The following SEPTIN6 variants were observed in gnomAD, a reference collection of about 807,000 sequenced individuals.
The protein encoded by SEPTIN6 is septin-6.
In SEPTIN6, 8 loss-of-function variants were observed where a neutral mutation model predicts 33.6. The ratio of observed to expected loss-of-function variants is 0.24; its 90% CI spans 0.14 to 0.43. The LOEUF is 0.43. Ranked by LOEUF, SEPTIN6 falls within the 20% of genes least tolerant of loss-of-function variation. The probability of loss-of-function intolerance (pLI) is 1.00; values close to 1 mark genes in which losing one functional copy is unlikely to be tolerated. For missense variants in SEPTIN6, 250 were observed against 340.8 expected, an observed-to-expected ratio of 0.73 and a Z score of 2.10; for synonymous variants, 131 against 140.0, an observed-to-expected ratio of 0.94 and a Z score of 0.45.
At chrX:119,616,506 A>G, downstream of SEPTIN6, 1 of 518,017 alleles carries the variant, frequency 1.9e-6, no homozygotes. Context: ...CTTGTTAGTT[A>G]GGACAAGACA....
At chrX:119,647,124 G>A (rs1355184870) in intron 5 of SEPTIN6, among the ~76,000 whole-genome samples, 1 of 110,585 alleles carries the variant, frequency 9.0e-6, no homozygotes, top group Non-Finnish European at 1.9e-5. Flanking sequence ...AGCTACTCGG[G>A]AGGCTGAGGC....
chrX:119,660,245 G>GA (rs1367252583), intron 3 of SEPTIN6, among the ~76,000 whole-genome samples: 1 of 112,087 alleles, frequency 8.9e-6, no homozygotes, highest in African/African-American at 3.2e-5. Context: ...GTTTATGCAT[G>GA]AGCCCTTGTA....
chrX:119,621,930 C>T (rs753116845), intron 10 of SEPTIN6, among the ~76,000 whole-genome samples: 88 of 110,754 alleles, frequency 7.9e-4, no homozygotes, highest in Admixed American at 2.5e-3. Flanking sequence ...TGAGCCACCT[C>T]GCCCAGCTTC....
At position 119,651,447 on chromosome X, in the gene SEPTIN6, C is replaced by T. The variant is rs192828285; in HGVS notation, c.529-1349G>A. On this transcript the variant is annotated intron_variant, in intron 4 of 10. Coordinates refer to ENST00000394610, the MANE Select transcript of SEPTIN6 (RefSeq NM_145799.4). Reference sequence around the variant, plus strand: ...AAGCACTTTGGGAGGCCAAGGTGGGCAGATCACCTGAGGTTGCGAGTTCGA... The same window carrying T: ...AAGCACTTTGGGAGGCCAAGGTGGGTAGATCACCTGAGGTTGCGAGTTCGA... Among the ~76,000 whole-genome samples the T allele has an allele frequency of 2.5e-3, 279 of 111,764 alleles. 1 individual carries two copies. Among genetic ancestry groups the T allele is most frequent in the Non-Finnish European group, 3.3e-3 (177 of 53,134 alleles).
intron 5 of SEPTIN6, among the ~76,000 whole-genome samples, chrX:119,643,976 C>T (rs898517335): frequency 2.7e-5 from 3 of 111,686 alleles, no homozygotes; most frequent in Non-Finnish European, 5.7e-5. Flanking sequence ...AGAATAGAGT[C>T]GAGCAGAGCA....
In SEPTIN6 at chrX:119,617,848, T is replaced by G; in HGVS notation, c.*2245A>C. On this transcript the variant is annotated 3_prime_UTR_variant, in exon 11 of 11. Transcript: ENST00000394610. The stretch of plus-strand genomic sequence containing the variant: ...AATGTCTCCCTTAATATAAAACTCC[T>G]CCTTAGTTTCTGAAGGTCTCTCCAA... The G allele has an allele frequency of 1.2e-6, 1 of 802,402 alleles. No homozygotes were observed. Among genetic ancestry groups the G allele is most frequent in the Non-Finnish European group, 1.5e-6 (1 of 668,200 alleles). 66.1% of individuals were successfully genotyped at this position (802,402 alleles called of 1,213,427 possible). A position where few individuals can be genotyped will look rare whatever the true frequency, so the allele number is the denominator to read the frequency against.
At chrX:119,686,772 GA>G (rs2055063946) in intron 1 of SEPTIN6, 1 of 287,670 alleles carries the variant, frequency 3.5e-6, no homozygotes, top group Non-Finnish European at 6.2e-6. Context: ...ATATGGAGAA[GA>G]AAAAATAAAA....
intron 5 of SEPTIN6, among the ~76,000 whole-genome samples, chrX:119,644,684 T>C (rs2054214054): frequency 1.8e-5 from 2 of 110,142 alleles, no homozygotes; most frequent in Non-Finnish European, 3.8e-5. Context: ...TCATCTCTAC[T>C]AAAAATACAA....
chrX:119,664,529 T>A lies in SEPTIN6; in HGVS notation c.146-852A>T, dbSNP rs188792293. Among the ~76,000 whole-genome samples the A allele has an allele frequency of 1.7e-3, 185 of 110,484 alleles. 2 individuals are homozygous for A. The highest frequency in any genetic ancestry group is 8.2e-3 in the East Asian group (29 of 3,521). ...ATTAGAGGACTATTTTAAATTTTTT[T>A]AAAAAATGACAGCAGTGGCCAGGCG... On this transcript the variant is annotated intron_variant, in intron 2 of 10. Coordinates refer to ENST00000394610, the MANE Select transcript of SEPTIN6 (RefSeq NM_145799.4).
At chrX:119,637,907 G>T (rs963859599) in intron 6 of SEPTIN6, among the ~76,000 whole-genome samples, 1 of 112,465 alleles carries the variant, frequency 8.9e-6, no homozygotes, top group African/African-American at 3.2e-5. Context: ...GAACTCCTGG[G>T]AAAGTGAAGA....
At chrX:119,670,518 G>A (rs1372874383) in intron 2 of SEPTIN6, among the ~76,000 whole-genome samples, 2 of 97,683 alleles carry the variant, frequency 2.0e-5, no homozygotes, top group Admixed American at 1.2e-4. Context: ...CAGAGATAGT[G>A]CCACTCCACT....
At chrX:119,636,133 G>A (rs2054057341) in intron 7 of SEPTIN6, among the ~76,000 whole-genome samples, 1 of 111,588 alleles carries the variant, frequency 9.0e-6, no homozygotes, top group African/African-American at 3.3e-5. Context: ...TGTCCCTCCT[G>A]AAGCAAATAT....
chrX:119,634,610 A>C (rs780035515), intron 7 of SEPTIN6, among the ~76,000 whole-genome samples: 44 of 111,292 alleles, frequency 4.0e-4, no homozygotes, highest in Non-Finnish European at 7.3e-4. Flanking sequence ...TACACACTGC[A>C]TGGTTTTAAA....
chrX:119,674,768 G>A (rs749276828), intron 2 of SEPTIN6, among the ~76,000 whole-genome samples: 1 of 112,243 alleles, frequency 8.9e-6, no homozygotes, highest in South Asian at 3.7e-4. Flanking sequence ...GTCCAAAAGA[G>A]CTAATGTGAG....
At chrX:119,631,750 T>A (rs1336518291) in intron 8 of SEPTIN6, among the ~76,000 whole-genome samples, 2 of 109,696 alleles carry the variant, frequency 1.8e-5, no homozygotes, top group African/African-American at 6.6e-5. Flanking sequence ...GCCTGGCTAA[T>A]TTTTTGTATT....
Position 119,618,780 on chromosome X carries a change from T to C in SEPTIN6, c.*1313A>G, listed in dbSNP as rs747403987. On this transcript the variant is annotated 3_prime_UTR_variant, in exon 11 of 11. Transcript: ENST00000394610. ...GGGAATACTATTCAGTACACAGCCA[T>C]GGATTACTGCAAAGGAAGGGCAGAG... The C allele has an allele frequency of 2.5e-6, 3 of 1,208,740 alleles. No homozygotes were observed. Among genetic ancestry groups the C allele is most frequent in the East Asian group, 5.9e-5 (2 of 33,657 alleles).
chrX:119,622,478 G>A (rs1441916416), intron 10 of SEPTIN6, among the ~76,000 whole-genome samples: 2 of 111,698 alleles, frequency 1.8e-5, no homozygotes, highest in Non-Finnish European at 3.8e-5. Flanking sequence ...AGCCTCCCCT[G>A]ACTCGTTGGT....
At chrX:119,663,458 A>AACCCCC in intron 3 of SEPTIN6, 24 bp downstream of exon 3, 30 of 730,623 alleles carry the variant, frequency 4.1e-5, no homozygotes, top group South Asian at 5.3e-5. Context: ...TCCCCACCCT[A>AACCCCC]CCCCACCCCA....
In SEPTIN6 at chrX:119,632,467, A is replaced by T. The variant is rs1316876612; in HGVS notation, c.1089+893T>A. ...CGCCTTGGCCTCTCAAAGTGCTGGG[A>T]TTACAGGCGTGAGCCACCGCGCCCA... is the stretch of plus-strand genomic sequence containing the variant. On this transcript the variant is annotated intron_variant, in intron 8 of 10. Coordinates refer to ENST00000394610, the MANE Select transcript of SEPTIN6 (RefSeq NM_145799.4). Among the ~76,000 whole-genome samples the T allele has an allele frequency of 2.7e-5, 3 of 109,169 alleles. No homozygotes were observed. In the South Asian group the frequency reaches 1.2e-3, roughly 43 times the overall value. 94.8% of individuals were successfully genotyped at this position (109,169 alleles called of 115,157 possible).
Sources: allele counts gnomAD v4.1 joint callset (sites outside exome capture counted in the v4.1 genomes callset), GRCh38; gene constraint gnomAD v4.1.1; transcripts MANE v1.5; gene names NCBI Gene and HGNC (gene_info 2026-07-23, HGNC 2026-07-21).